Variants in METTL15 observed in about 807,000 individuals in gnomAD.
METTL15 encodes methyltransferase 15, mitochondrial 12S rRNA N4-cytidine, also known as 12S rRNA N(4)-cytidine methyltransferase METTL15.
A neutral mutation model predicts 38.3 loss-of-function variants in METTL15; 34 were observed. The observed-to-expected ratio is 0.89, with a 90% confidence interval of 0.68 to 1.18. METTL15 has a LOEUF of 1.18. Ranked by LOEUF, METTL15 falls within the 50% of genes most tolerant of loss-of-function variation. The pLI, the probability that METTL15 is intolerant of heterozygous loss-of-function variation, is 0.00. For missense variants in METTL15, 438 were observed against 498.4 expected (o/e 0.88, Z 1.15); for synonymous variants, 162 against 170.9 (o/e 0.95, Z 0.41).
At chr11:28,108,772 T>C (rs1851593713) in intron 1 of METTL15, among the ~76,000 whole-genome samples, 1 of 152,232 alleles carries the variant, frequency 6.6e-6, no homozygotes, top group Non-Finnish European at 1.5e-5. Flanking sequence ...CTCTGTCTAA[T>C]GATGGCATAA....
chr11:28,459,486 A>G (rs1165106696), intron 6 of METTL15, among the ~76,000 whole-genome samples: 1 of 152,172 alleles, frequency 6.6e-6, no homozygotes, highest in African/African-American at 2.4e-5. Context: ...TTGTAATTTC[A>G]GGGCCGGTAA....
At chr11:28,378,620 G>T (rs547710641) in intron 5 of METTL15, among the ~76,000 whole-genome samples, 31 of 152,162 alleles carry the variant, frequency 2.0e-4, no homozygotes, top group Non-Finnish European at 4.0e-4. Context: ...CTTCTTCTGC[G>T]TCGCTCAGGC....
At chr11:28,187,656 G>A (rs1342909573) in intron 3 of METTL15, among the ~76,000 whole-genome samples, 1 of 150,260 alleles carries the variant, frequency 6.7e-6, no homozygotes, top group African/African-American at 2.4e-5. Flanking sequence ...AAAAATATAT[G>A]TATGCATAAA....
intron 3 of METTL15, among the ~76,000 whole-genome samples, chr11:28,200,858 A>T (rs1852084699): frequency 6.6e-6 from 1 of 152,040 alleles, no homozygotes; most frequent in Non-Finnish European, 1.5e-5. Context: ...TCAGACAGAG[A>T]CAAATTGATT....
intron 5 of METTL15, among the ~76,000 whole-genome samples, chr11:28,391,180 G>A (rs1472201502): frequency 6.6e-6 from 1 of 151,992 alleles, no homozygotes; most frequent in Non-Finnish European, 1.5e-5. Context: ...TGCAAACAGG[G>A]ACAATTTGAC....
intron 5 of METTL15, among the ~76,000 whole-genome samples, chr11:28,380,234 C>G (rs1435880869): frequency 2.1e-5 from 3 of 140,814 alleles, no homozygotes; most frequent in Non-Finnish European, 4.5e-5. Flanking sequence ...GTGGCACAAT[C>G]TCGGCTCACT....
rs187868186 is a variant in METTL15 at position 28,277,310 on chromosome 11, C to G, written c.408-12896C>G. On this transcript the variant is annotated intron_variant, in intron 4 of 6. Transcript: ENST00000407364. Reference sequence around the variant, plus strand: ...TTTATCACAGTGCTATTCACAATAGCAAAGATATGGAATCAATCTAAGTGT... The same window carrying G: ...TTTATCACAGTGCTATTCACAATAGGAAAGATATGGAATCAATCTAAGTGT... Among the ~76,000 whole-genome samples the G allele has an allele frequency of 1.3e-4, 20 of 152,158 alleles. No individual in the cohort carries two copies. In the East Asian group the frequency reaches 3.7e-3, roughly 28 times the overall value.
chr11:28,141,615 G>T (rs985525350), intron 3 of METTL15, among the ~76,000 whole-genome samples: 3 of 152,092 alleles, frequency 2.0e-5, no homozygotes, highest in African/African-American at 7.2e-5. Context: ...CTTGATCTGG[G>T]ATGTCAAGGC....
chr11:28,221,785 G>A (rs554413818), intron 4 of METTL15, among the ~76,000 whole-genome samples: 1 of 152,308 alleles, frequency 6.6e-6, no homozygotes, highest in East Asian at 1.9e-4. Flanking sequence ...AGGACCCTCA[G>A]CTGCACATCT....
chr11:28,182,100 G>T (rs12805137), intron 3 of METTL15, among the ~76,000 whole-genome samples: 1 of 151,918 alleles, frequency 6.6e-6, no homozygotes, highest in Non-Finnish European at 1.5e-5. Flanking sequence ...CTTTTTGATG[G>T]GGTTGTTTGT....
intron 3 of METTL15, among the ~76,000 whole-genome samples, chr11:28,204,633 A>C (rs1037991962): frequency 1.3e-5 from 2 of 151,794 alleles, no homozygotes; most frequent in African/African-American, 4.8e-5. Context: ...GCCCAGATTC[A>C]TCTCTATTCA....
chr11:28,495,953 G>T (rs532459871), intron 6 of METTL15, among the ~76,000 whole-genome samples: 2 of 152,128 alleles, frequency 1.3e-5, no homozygotes, highest in African/African-American at 2.4e-5. Flanking sequence ...ATGGCTAACC[G>T]AATTCTTCAG....
intron 6 of METTL15, among the ~76,000 whole-genome samples, chr11:28,432,888 C>A (rs1051668277): frequency 1.7e-4 from 26 of 151,740 alleles, no homozygotes; most frequent in African/African-American, 5.8e-4. Context: ...CAACAAACTC[C>A]CAGAGCACTG....
chr11:28,472,335 C>T (rs986653211), intron 6 of METTL15, among the ~76,000 whole-genome samples: 2 of 152,158 alleles, frequency 1.3e-5, no homozygotes, highest in Admixed American at 1.3e-4. Context: ...TCATCAATCT[C>T]CTAATACAAC....
intron 3 of METTL15, among the ~76,000 whole-genome samples, chr11:28,131,167 C>T (rs190813742): frequency 2.0e-4 from 31 of 152,140 alleles, no homozygotes; most frequent in African/African-American, 7.2e-4. Flanking sequence ...AGCAATATGT[C>T]GATTAGACCC....
At chr11:28,109,195 G>A (rs1851612172) in intron 1 of METTL15, among the ~76,000 whole-genome samples, 1 of 152,112 alleles carries the variant, frequency 6.6e-6, no homozygotes, top group Admixed American at 6.5e-5. Flanking sequence ...AGGAAAATCG[G>A]GAGTATTGTG....
chr11:28,497,917 G>A (rs1200446280), intron 6 of METTL15, among the ~76,000 whole-genome samples: 12 of 152,014 alleles, frequency 7.9e-5, no homozygotes, highest in Admixed American at 7.9e-4. Flanking sequence ...AGCCAGGCGT[G>A]GTGGTGCATG....
chr11:28,306,286 A>G (rs1397594287), intron 6 of METTL15, among the ~76,000 whole-genome samples: 1 of 152,098 alleles, frequency 6.6e-6, no homozygotes, highest in Non-Finnish European at 1.5e-5. Flanking sequence ...TATGTTTGAT[A>G]TAGTAGCAGT....
chr11:28,385,979 A>T (rs1850436517), intron 5 of METTL15, among the ~76,000 whole-genome samples: 1 of 152,142 alleles, frequency 6.6e-6, no homozygotes, highest in Non-Finnish European at 1.5e-5. Context: ...ATAACAAACA[A>T]AGTATGGGGG....
Sources: gnomAD v4.1 joint callset for allele counts (sites outside exome capture counted in the v4.1 genomes callset) on GRCh38, gnomAD v4.1.1 for gene constraint, MANE v1.5 for transcripts, NCBI Gene and HGNC (gene_info 2026-07-23, HGNC 2026-07-21) for gene names.